Variants in FNDC3B observed in about 807,000 individuals in gnomAD.
FNDC3B encodes fibronectin type III domain-containing protein 3B.
A neutral mutation model predicts 151.5 loss-of-function variants in FNDC3B; 12 were observed. The observed-to-expected ratio is 0.08, with a 90% CI of 0.05 to 0.13. FNDC3B has a LOEUF of 0.13. Among genes scored for constraint, FNDC3B ranks in the 10% least tolerant of loss-of-function variants. The pLI is 1.00. For synonymous variants in FNDC3B, 528 were observed against 549.0 expected (o/e 0.96, Z 0.54); for missense variants, 1,214 against 1,505.3 (o/e 0.81, Z 3.20).
At chr3:172,332,866 AC>A (rs1227900559) in intron 13 of FNDC3B, among the ~76,000 whole-genome samples, 1 of 152,206 alleles carries the variant, frequency 6.6e-6, no homozygotes, top group East Asian at 1.9e-4. Flanking sequence ...ATTTGACCAG[AC>A]CCAGGAGAAA....
rs1482669642 is a variant in FNDC3B, at chr3:172,310,894, T to A, written c.1254+13T>A. 6.3e-7 allele frequency: 1 copy of A among 1,595,382 alleles called. No individual in the cohort carries two copies. ...AGAGTGGGATGAGGTAAGCTTATTT[T>A]CATATTCACCCATCTAAAACACCAT... On this transcript the variant is annotated intron_variant, in intron 11 of 25. Coordinates refer to ENST00000415807, the MANE Select transcript of FNDC3B (RefSeq NM_022763.4).
chr3:172,126,114 A>T (rs1720797213), intron 2 of FNDC3B, among the ~76,000 whole-genome samples: 1 of 152,096 alleles, frequency 6.6e-6, no homozygotes, highest in African/African-American at 2.4e-5. Flanking sequence ...TAAACAAAAG[A>T]AGTCACAGTG....
At chr3:172,226,296 ACT>A (rs1259494342) in intron 3 of FNDC3B, among the ~76,000 whole-genome samples, 1 of 129,938 alleles carries the variant, frequency 7.7e-6, no homozygotes, top group Non-Finnish European at 1.6e-5. Context: ...CAAGTGCGAA[ACT>A]CTGTCTCAAA....
At chr3:172,213,704 G>T (rs1378686737) in intron 3 of FNDC3B, among the ~76,000 whole-genome samples, 1 of 151,980 alleles carries the variant, frequency 6.6e-6, no homozygotes, top group Non-Finnish European at 1.5e-5. Context: ...ATCCTAATAC[G>T]GCCTCGGTTT....
intron 6 of FNDC3B, 146 bp from the exon 7 acceptor site, chr3:172,285,780 C>A: frequency 1.5e-6 from 1 of 649,892 alleles, no homozygotes. Context: ...CCTGATTTTC[C>A]TGGTAACATT....
intron 25 of FNDC3B, 115 bp downstream of exon 25, chr3:172,381,208 C>A: frequency 8.5e-7 from 1 of 1,173,826 alleles, no homozygotes; most frequent in Non-Finnish European, 1.2e-6. Context: ...GTGATAGAAA[C>A]TGCCTAACTT....
At chr3:172,190,097 A>C (rs1724425686) in intron 3 of FNDC3B, among the ~76,000 whole-genome samples, 1 of 152,058 alleles carries the variant, frequency 6.6e-6, no homozygotes, top group Non-Finnish European at 1.5e-5. Flanking sequence ...ACTCTAATCC[A>C]TTTCTCTGTC....
At position 172,307,477 on chromosome 3, in the gene FNDC3B, A is replaced by C; in HGVS notation, c.1176A>C (p.Lys392Asn). ...PFPPKLAHRS[K>N]SSLTLQWKAP... ...CCCCTAAGCTGGCACATAGGAGCAAAAGTTCACTAACCCTGCAGTGGAAGG... is the reference window on the plus strand; with the variant it reads ...CCCCTAAGCTGGCACATAGGAGCAACAGTTCACTAACCCTGCAGTGGAAGG... Residue 392 changes from lysine to asparagine, a missense_variant, in exon 10 of 26, where the codon AAA becomes AAC. By Grantham distance (94) the Lys-to-Asn change is moderately conservative. This residue lies in a region of FNDC3B where 156 missense variants were observed against 225.3 expected (regional missense o/e 0.69). Transcript: ENST00000415807. 6.2e-7 allele frequency: 1 copy of C among 1,614,118 alleles called. No homozygotes were observed. The highest frequency in any genetic ancestry group is 8.5e-7 in the Non-Finnish European group (1 of 1,180,008).
chr3:172,356,924 C>G lies in FNDC3B; in HGVS notation c.2795+3841C>G, dbSNP rs371864276. On this transcript the variant is annotated intron_variant, in intron 22 of 25. Transcript: ENST00000415807. The stretch of plus-strand genomic sequence containing the variant: ...ACCCACACTCTTGACATCCCGAGCT[C>G]TGAGATGGCCAGTCCTGATGAGGGA... Among the ~76,000 whole-genome samples, 14 of 152,214 alleles carry G rather than the reference C, an allele frequency of 9.2e-5. 1 individual carries two copies. The highest frequency in any genetic ancestry group is 3.1e-4 in the African/African-American group (13 of 41,534).
chr3:172,141,661 A>AC (rs1196427650), intron 3 of FNDC3B, among the ~76,000 whole-genome samples: 6 of 152,042 alleles, frequency 3.9e-5, no homozygotes, highest in Non-Finnish European at 8.8e-5. Flanking sequence ...ACATGGTGAA[A>AC]CCCCATCTCT....
At chr3:172,229,363 T>C (rs2108745138) in intron 4 of FNDC3B, among the ~76,000 whole-genome samples, 1 of 152,346 alleles carries the variant, frequency 6.6e-6, no homozygotes, top group Non-Finnish European at 1.5e-5. Flanking sequence ...CACCTTTACC[T>C]GTCACCCCAC....
intron 18 of FNDC3B, 144 bp downstream of exon 18, chr3:172,343,260 T>A: frequency 1.7e-6 from 1 of 594,682 alleles, no homozygotes; most frequent in Non-Finnish European, 3.0e-6. Context: ...CTTCTTGAAG[T>A]ATGTTGACCC....
chr3:172,343,102 TC>T lies in FNDC3B; in HGVS notation c.2065del (p.His689ThrfsTer2). 6.3e-7 allele frequency: 1 copy of T among 1,597,602 alleles called. No individual in the cohort carries two copies. The highest frequency in any genetic ancestry group is 8.6e-7 in the Non-Finnish European group (1 of 1,165,416). On this transcript the variant is annotated frameshift_variant, in exon 18 of 26. Coordinates refer to ENST00000415807, the MANE Select transcript of FNDC3B (RefSeq NM_022763.4). LOFTEE classifies it high-confidence loss of function. ...TTGGGTAGACCAAAGCACAAAGAAG[TC>T]CACTTAGAGTGGGGTGAGTGAACTA... is the stretch of plus-strand genomic sequence containing the variant. ...RVLGRPKHKE[V>X]HLEWDVPASE...
chr3:172,152,276 A>G (rs1189878334), intron 3 of FNDC3B, among the ~76,000 whole-genome samples: 1 of 151,622 alleles, frequency 6.6e-6, no homozygotes, highest in African/African-American at 2.4e-5. Context: ...ATTGCTGTAG[A>G]CCTCTCTTAG....
chr3:172,291,716 T>A (rs1730350738), intron 7 of FNDC3B, among the ~76,000 whole-genome samples: 1 of 152,194 alleles, frequency 6.6e-6, no homozygotes, highest in African/African-American at 2.4e-5. Context: ...GGTAGGTTAA[T>A]TAAATATCAG....
At chr3:172,286,139 A>G (rs1730004770) in intron 7 of FNDC3B, among the ~76,000 whole-genome samples, 155 bp downstream of exon 7, 1 of 152,082 alleles carries the variant, frequency 6.6e-6, no homozygotes, top group African/African-American at 2.4e-5. Context: ...TCAGTTATTA[A>G]TGGACCATGA....
At chr3:172,338,425 T>C (rs1376282988) in intron 16 of FNDC3B, 1 of 152,004 alleles carries the variant, frequency 6.6e-6, no homozygotes, top group African/African-American at 2.4e-5. Context: ...TTCCCATGCA[T>C]GATTAAACAG....
chr3:172,357,545 A>G (rs550750961), intron 22 of FNDC3B, among the ~76,000 whole-genome samples: 1 of 152,298 alleles, frequency 6.6e-6, no homozygotes, highest in East Asian at 1.9e-4. Flanking sequence ...TGTTTTGCCC[A>G]TTAGTCCAAT....
chr3:172,318,510 AT>A (rs1278143388), intron 11 of FNDC3B, among the ~76,000 whole-genome samples: 1 of 152,208 alleles, frequency 6.6e-6, no homozygotes, highest in South Asian at 2.1e-4. Context: ...TTCTGAGTGA[AT>A]TTGCACAAAC....
Sources: allele counts gnomAD v4.1 joint callset (sites outside exome capture counted in the v4.1 genomes callset), GRCh38; gene constraint gnomAD v4.1.1; regional missense constraint gnomAD v4.1.1; transcripts MANE v1.5; gene names NCBI Gene and HGNC (gene_info 2026-07-23, HGNC 2026-07-21).